The following SPDYE3 variants were observed in gnomAD, a reference collection of about 807,000 sequenced individuals.
The protein encoded by SPDYE3 is speedy/RINGO cell cycle regulator family member E3.
Under a neutral mutation model 55.0 loss-of-function variants are expected in SPDYE3, and 15 were observed. The ratio of observed to expected loss-of-function variants is 0.27; its 90% confidence interval spans 0.18 to 0.42. SPDYE3 has a LOEUF of 0.42. Ranked by LOEUF, SPDYE3 falls within the 10% of genes least tolerant of loss-of-function variation. The probability of loss-of-function intolerance (pLI) is 1.00; values close to 1 mark genes in which losing one functional copy is unlikely to be tolerated. For missense variants in SPDYE3, 236 were observed against 576.7 expected, an observed-to-expected ratio of 0.41 and a Z score of 6.05; for synonymous variants, 89 against 229.9, an observed-to-expected ratio of 0.39 and a Z score of 5.55.
chr7:100,315,341 A>C (rs533288481), intron 6 of SPDYE3, among the ~76,000 whole-genome samples: 2 of 152,316 alleles, frequency 1.3e-5, no homozygotes, highest in East Asian at 3.9e-4. Context: ...TCAAAAATCA[A>C]AAAAGTGGTT....
chr7:100,310,046 A>G (rs1805922668), intron 2 of SPDYE3, among the ~76,000 whole-genome samples: 3 of 138,108 alleles, frequency 2.2e-5, no homozygotes, highest in African/African-American at 7.9e-5. Context: ...CAGTCAGCTG[A>G]GATTGCACCA....
chr7:100,317,790 C>A (rs1174762582), intron 8 of SPDYE3, among the ~76,000 whole-genome samples: 1 of 150,358 alleles, frequency 6.7e-6, no homozygotes, highest in Non-Finnish European at 1.5e-5. Flanking sequence ...ATGGTGAAAC[C>A]CTGTCTCCAC....
chr7:100,320,988 T>C lies in SPDYE3; in HGVS notation c.*143T>C. The C allele has an allele frequency of 8.3e-7, 1 of 1,204,044 alleles. No homozygotes were observed. The highest frequency in any genetic ancestry group is 1.5e-5 in the African/African-American group (1 of 64,630). The allele number at this position is 1,204,044 out of a possible 1,614,324, so 74.6% of individuals were successfully genotyped here. A position where few individuals can be genotyped will look rare whatever the true frequency, so the allele number is the denominator to read the frequency against. ...GGAGGAGAGGAGCCATTTGTGCAGA[T>C]CATCTAGAAGAACCTGGACCATTCT... On this transcript the variant is annotated 3_prime_UTR_variant, in exon 11 of 11. Coordinates refer to ENST00000332397, the MANE Select transcript of SPDYE3 (RefSeq NM_001004351.5).
chr7:100,307,711 C>T lies in SPDYE3; in HGVS notation c.-175C>T, dbSNP rs1295992240. The T allele has an allele frequency of 3.0e-5, 41 of 1,386,412 alleles. No homozygotes were observed. The highest frequency in any genetic ancestry group is 2.6e-4 in the Middle Eastern group (1 of 3,792). 85.9% of individuals were successfully genotyped at this position (1,386,412 alleles called of 1,614,324 possible). A position where few individuals can be genotyped will look rare whatever the true frequency, so the allele number is the denominator to read the frequency against. On this transcript the variant is annotated 5_prime_UTR_variant, in exon 1 of 11. Coordinates refer to ENST00000332397, the MANE Select transcript of SPDYE3 (RefSeq NM_001004351.5). Reference sequence around the variant, plus strand: ...GATTGGAAGGACCGGACTCTGTCGGCGCCTGGCAGTTCAGGTGAACAACAG... The same window carrying T: ...GATTGGAAGGACCGGACTCTGTCGGTGCCTGGCAGTTCAGGTGAACAACAG...
At position 100,321,391 on chromosome 7, in the gene SPDYE3, G is replaced by A. The variant is rs1305961175; in HGVS notation, c.*546G>A. The A allele has an allele frequency of 3.9e-6, 1 of 253,862 alleles. No homozygotes were observed. Among genetic ancestry groups the A allele is most frequent in the Non-Finnish European group, 7.8e-6 (1 of 128,436 alleles). The allele number at this position is 253,862 out of a possible 1,614,324, so 15.7% of individuals were successfully genotyped here. On this transcript the variant is annotated 3_prime_UTR_variant, in exon 11 of 11. Coordinates refer to ENST00000332397, the MANE Select transcript of SPDYE3 (RefSeq NM_001004351.5). ...ATCATTAATAGGTTTATTTCAAATA[G>A]TTTGGAAATTGTTGTACTTTTGAAA...
Position 100,317,868 on chromosome 7 carries a change from C to T in SPDYE3, c.1346+713C>T, listed in dbSNP as rs548151203. ...GCGGGCACCTGTAGTCCCAGCTACT[C>T]GGGAGGCTGAGGGAGGAGAATGGCG... On this transcript the variant is annotated intron_variant, in intron 8 of 10. Coordinates refer to ENST00000332397, the MANE Select transcript of SPDYE3 (RefSeq NM_001004351.5). Among the ~76,000 whole-genome samples the T allele has an allele frequency of 1.0e-3, 142 of 141,018 alleles. 1 individual carries two copies. The highest frequency in any genetic ancestry group is 4.8e-3 in the Admixed American group (65 of 13,504). The allele number at this position is 141,018 out of a possible 152,430, so 92.5% of individuals were successfully genotyped here. A position where few individuals can be genotyped will look rare whatever the true frequency, so the allele number is the denominator to read the frequency against.
rs769182582 is a variant in SPDYE3, at chr7:100,319,534, C to T, written c.1347-31C>T. On this transcript the variant is annotated intron_variant, in intron 8 of 10. Transcript: ENST00000332397. ...AGCCGGAGGTCTCTCCTGGTGGTGCCCCTGAGCAGCAACCTGATTTCTGTC... is the reference window on the plus strand; with the variant it reads ...AGCCGGAGGTCTCTCCTGGTGGTGCTCCTGAGCAGCAACCTGATTTCTGTC... 3.7e-6 allele frequency: 6 copies of T among 1,613,814 alleles called. No individual in the cohort carries two copies. In the East Asian group the frequency reaches 8.9e-5, roughly 24 times the overall value.
chr7:100,314,182 T>C (rs1331369305), intron 5 of SPDYE3, among the ~76,000 whole-genome samples: 1 of 93,892 alleles, frequency 1.1e-5, no homozygotes, highest in Non-Finnish European at 2.2e-5. Context: ...GGCAGGAGAA[T>C]AACTGGAATC....
chr7:100,307,754 T>C lies in SPDYE3; in HGVS notation c.-132T>C. 7.1e-7 allele frequency: 1 copy of C among 1,411,744 alleles called. No homozygotes were observed. The allele number at this position is 1,411,744 out of a possible 1,614,324, so 87.5% of individuals were successfully genotyped here. A position where few individuals can be genotyped will look rare whatever the true frequency, so the allele number is the denominator to read the frequency against. On this transcript the variant is annotated 5_prime_UTR_variant, in exon 1 of 11. Transcript: ENST00000332397. ...AACAACAGTAACTTCTCAGAGCTGT[T>C]CTCCACTCCTGACTTCTCCCAGCCT...
Position 100,311,768 on chromosome 7 carries a change from GC to G in SPDYE3, c.569del (p.Pro190HisfsTer43). The G allele has an allele frequency of 2.0e-6, 3 of 1,466,864 alleles. No individual in the cohort carries two copies. Among genetic ancestry groups the G allele is most frequent in the Non-Finnish European group, 2.8e-6 (3 of 1,086,516 alleles). The allele number at this position is 1,466,864 out of a possible 1,614,324, so 90.9% of individuals were successfully genotyped here. ...NRLLAPGVDP[S>X]PPRRSLGCKR... ...TACTCAGCCCCTGGGGTAGATCCCAGCCCCCCACGTAGGTCCCTTGGCTGCA... is the reference window on the plus strand; with the variant it reads ...TACTCAGCCCCTGGGGTAGATCCCAGCCCCCACGTAGGTCCCTTGGCTGCA... On this transcript the variant is annotated frameshift_variant, in exon 4 of 11. Transcript: ENST00000332397. LOFTEE classifies it high-confidence loss of function.
At chr7:100,308,723 A>C (rs1364644036) in intron 1 of SPDYE3, among the ~76,000 whole-genome samples, 1 of 151,590 alleles carries the variant, frequency 6.6e-6, no homozygotes, top group African/African-American at 2.4e-5. Context: ...CAAAAAAAAA[A>C]AAAGAGGGCC....
rs1405288427 is a variant in SPDYE3 at position 100,313,051 on chromosome 7, G to T, written c.764-89G>T. The T allele has an allele frequency of 5.5e-5, 30 of 545,356 alleles. 2 individuals carry two copies. Among genetic ancestry groups the T allele is most frequent in the Non-Finnish European group, 8.9e-5 (27 of 302,062 alleles). The allele number at this position is 545,356 out of a possible 1,614,324, so 33.8% of individuals were successfully genotyped here. ...GAAGCCAGCAGTCTGCGAGGCTGGG[G>T]AGGATGGAGAGTGGTTTGGGGTTTG... On this transcript the variant is annotated intron_variant, in intron 4 of 10. Transcript: ENST00000332397.
At chr7:100,312,344 A>G (rs959640815) in intron 4 of SPDYE3, among the ~76,000 whole-genome samples, 6 of 149,426 alleles carry the variant, frequency 4.0e-5, no homozygotes, top group African/African-American at 1.5e-4. Flanking sequence ...TCAAAAGAAA[A>G]GCCAAGGCTG....
At chr7:100,317,369 G>T (rs536639445) in intron 8 of SPDYE3, among the ~76,000 whole-genome samples, 11 of 152,306 alleles carry the variant, frequency 7.2e-5, no homozygotes, top group African/African-American at 2.6e-4. Flanking sequence ...ACTTTGGGAG[G>T]CCGAGGCAAG....
At position 100,308,072 on chromosome 7, in the gene SPDYE3, G is replaced by C. The variant is rs1321744275; in HGVS notation, c.106+81G>C. 4 of 1,451,580 alleles carry C rather than the reference G, an allele frequency of 2.8e-6. No homozygotes were observed. The African/African-American group carries it at 4.2e-5, about 15-fold the overall frequency. The allele number at this position is 1,451,580 out of a possible 1,614,324, so 89.9% of individuals were successfully genotyped here. A position where few individuals can be genotyped will look rare whatever the true frequency, so the allele number is the denominator to read the frequency against. On this transcript the variant is annotated intron_variant, in intron 1 of 10. Coordinates refer to ENST00000332397, the MANE Select transcript of SPDYE3 (RefSeq NM_001004351.5). The stretch of plus-strand genomic sequence containing the variant: ...GGGCCAGGTGCGGTAGCTCACCCCT[G>C]TAACACCAACACTTTGGGAGGCCGA...
intron 10 of SPDYE3, chr7:100,320,657 C>G (rs1221666538): frequency 1.9e-6 from 2 of 1,069,368 alleles, no homozygotes; most frequent in African/African-American, 3.4e-5. Context: ...CGCTATGAAG[C>G]AGATCACTGG....
At chr7:100,316,933 C>A (rs1806119345) in intron 7 of SPDYE3, 137 bp from the exon 8 acceptor site, 24 of 1,211,374 alleles carry the variant, frequency 2.0e-5, no homozygotes, top group Non-Finnish European at 2.9e-5. Context: ...GCAATTTCCA[C>A]ATGAGCACAG....
chr7:100,313,928 G>A (rs1490962664), intron 5 of SPDYE3, among the ~76,000 whole-genome samples: 2 of 66,768 alleles, frequency 3.0e-5, no homozygotes, highest in Non-Finnish European at 6.1e-5. Flanking sequence ...AAAAAAGAAG[G>A]GTCAGAGGTC....
chr7:100,315,679 C>T, intron 6 of SPDYE3, 106 bp from the exon 7 acceptor site: 4 of 1,574,190 alleles, frequency 2.5e-6, no homozygotes, highest in Middle Eastern at 2.2e-4. Context: ...CCCGCGGCCA[C>T]AATCCTGAGA....
Sources: gnomAD v4.1 joint callset for allele counts (sites outside exome capture counted in the v4.1 genomes callset) on GRCh38, gnomAD v4.1.1 for gene constraint, MANE v1.5 for transcripts, NCBI Gene and HGNC (gene_info 2026-07-23, HGNC 2026-07-21) for gene names.